The following CTNNA3 variants were observed in gnomAD, a reference collection of about 807,000 sequenced individuals.
CTNNA3 encodes the protein catenin alpha 3, also known as catenin alpha-3.
In CTNNA3, 76 loss-of-function variants were observed where a neutral mutation model predicts 95.7. The ratio of observed to expected loss-of-function variants is 0.79; its 90% confidence interval spans 0.66 to 0.96. The LOEUF is 0.96. CTNNA3 is among the 40% of genes least tolerant of loss of function. The pLI is 0.00. For missense variants in CTNNA3, 1,191 were observed against 1,089.8 expected (o/e 1.09, Z -1.31); for synonymous variants, 431 against 374.4 (o/e 1.15, Z -1.74).
chr10:67,692,936 A>G (rs1840897273), intron 1 of CTNNA3, among the ~76,000 whole-genome samples: 1 of 152,140 alleles, frequency 6.6e-6, no homozygotes, highest in Admixed American at 6.5e-5. Flanking sequence ...TTTGCACTAA[A>G]CATTGCCTTC....
At chr10:67,497,650 T>C (rs1410096573) in intron 5 of CTNNA3, among the ~76,000 whole-genome samples, 1 of 152,250 alleles carries the variant, frequency 6.6e-6, no homozygotes, top group Non-Finnish European at 1.5e-5. Context: ...TGGTATCTCA[T>C]TGTGGTTTTG....
intron 5 of CTNNA3, among the ~76,000 whole-genome samples, chr10:67,497,614 A>T (rs1287275093): frequency 2.0e-5 from 3 of 152,104 alleles, no homozygotes; most frequent in Non-Finnish European, 4.4e-5. Flanking sequence ...AACTTTTTAA[A>T]GATAGCCATT....
At chr10:67,073,266 T>C (rs1416413203) in intron 7 of CTNNA3, among the ~76,000 whole-genome samples, 1 of 152,202 alleles carries the variant, frequency 6.6e-6, no homozygotes, top group Non-Finnish European at 1.5e-5. Context: ...TAGCTCTGAT[T>C]AGTTTTTAAA....
intron 15 of CTNNA3, among the ~76,000 whole-genome samples, chr10:66,056,692 T>C (rs2080094691): frequency 6.6e-6 from 1 of 152,204 alleles, no homozygotes; most frequent in African/African-American, 2.4e-5. Context: ...CTTCTGTTAA[T>C]ATCTCAATAC....
At chr10:67,088,572 A>G (rs1039566067) in intron 7 of CTNNA3, among the ~76,000 whole-genome samples, 18 of 152,026 alleles carry the variant, frequency 1.2e-4, no homozygotes, top group Admixed American at 1.3e-4. Context: ...CAAGACACCC[A>G]TAAAGCTACC....
chr10:66,999,155 A>AT (rs1851537200), intron 7 of CTNNA3, among the ~76,000 whole-genome samples: 1 of 152,112 alleles, frequency 6.6e-6, no homozygotes, highest in Admixed American at 6.6e-5. Flanking sequence ...TTTATTTATC[A>AT]TTTTCAATTG....
At chr10:67,234,628 C>T (rs2132311429) in intron 5 of CTNNA3, among the ~76,000 whole-genome samples, 2 of 151,824 alleles carry the variant, frequency 1.3e-5, no homozygotes, top group South Asian at 4.2e-4. Context: ...TCTCTCACCA[C>T]TCCTATTCAA....
In CTNNA3 at chr10:66,909,806, G is replaced by A. The variant is rs536009450; in HGVS notation, c.1048-134282C>T. ...TGTGAATCAACTACAGGTATTCCCA[G>A]AGAACCATAATTATGATAATGATAT... On this transcript the variant is annotated intron_variant, in intron 7 of 17. Transcript: ENST00000433211. Among the ~76,000 whole-genome samples the A allele has an allele frequency of 1.7e-4, 26 of 152,218 alleles. 1 individual carries two copies. The South Asian group carries it at 5.4e-3, about 32-fold the overall frequency.
rs551539894 is a variant in CTNNA3, at chr10:66,296,570, T to C, written c.1733-15949A>G. Reference sequence around the variant, plus strand: ...GTGTGTGCATGCGTGTGTGTATATATATACACACACACACAGATCTATATA... The same window carrying C: ...GTGTGTGCATGCGTGTGTGTATATACATACACACACACACAGATCTATATA... On this transcript the variant is annotated intron_variant, in intron 12 of 17. Transcript: ENST00000433211. Among the ~76,000 whole-genome samples, 30 of 148,708 alleles carry C rather than the reference T, an allele frequency of 2.0e-4. No homozygotes were observed. In the South Asian group the frequency reaches 5.9e-3, roughly 29 times the overall value.
In CTNNA3 at chr10:66,346,211, GTATATA is replaced by G. The variant is rs368554085; in HGVS notation, c.1732+32935_1732+32940del. On this transcript the variant is annotated intron_variant, in intron 12 of 17. Transcript: ENST00000433211. The stretch of plus-strand genomic sequence containing the variant: ...AATTGAATAGTAAGTATGTGTGTGT[GTATATA>G]TATATATATATATATATATATATAT... Among the ~76,000 whole-genome samples the G allele has an allele frequency of 4.4e-4, 46 of 105,500 alleles. 1 individual carries two copies. The highest frequency in any genetic ancestry group is 7.6e-4 in the African/African-American group (21 of 27,580). 69.2% of individuals were successfully genotyped at this position (105,500 alleles called of 152,430 possible). A position where few individuals can be genotyped will look rare whatever the true frequency, so the allele number is the denominator to read the frequency against.
chr10:67,350,499 G>C (rs1842589184), intron 5 of CTNNA3, among the ~76,000 whole-genome samples: 1 of 150,492 alleles, frequency 6.6e-6, no homozygotes, highest in Non-Finnish European at 1.5e-5. Flanking sequence ...TGGAATACCA[G>C]CACTAAACTT....
intron 10 of CTNNA3, among the ~76,000 whole-genome samples, chr10:66,547,827 G>A (rs755575320): frequency 2.1e-4 from 32 of 152,026 alleles, no homozygotes; most frequent in Non-Finnish European, 4.3e-4. Flanking sequence ...ATAGATTTCG[G>A]TCTTCACACA....
intron 10 of CTNNA3, among the ~76,000 whole-genome samples, chr10:66,612,470 C>T (rs1246061674): frequency 6.6e-6 from 1 of 152,098 alleles, no homozygotes; most frequent in Non-Finnish European, 1.5e-5. Flanking sequence ...ACAGACTATG[C>T]CCTCCCACTG....
At chr10:66,605,209 A>G (rs955438280) in intron 10 of CTNNA3, among the ~76,000 whole-genome samples, 3 of 152,190 alleles carry the variant, frequency 2.0e-5, no homozygotes, top group Non-Finnish European at 4.4e-5. Context: ...AAAGAATCTC[A>G]GAGGCTGAAG....
chr10:66,015,224 T>G (rs565045436), intron 15 of CTNNA3, among the ~76,000 whole-genome samples: 1 of 152,154 alleles, frequency 6.6e-6, no homozygotes, highest in South Asian at 2.1e-4. Context: ...GAGCTAGAAT[T>G]CCTTGATTCT....
chr10:66,371,568 C>T (rs1422305950), intron 12 of CTNNA3, among the ~76,000 whole-genome samples: 1 of 152,126 alleles, frequency 6.6e-6, no homozygotes, highest in Non-Finnish European at 1.5e-5. Context: ...GCAAGTAGTT[C>T]CATTGTCCCA....
chr10:66,122,555 G>A (rs1238256892), intron 13 of CTNNA3, among the ~76,000 whole-genome samples: 1 of 152,082 alleles, frequency 6.6e-6, no homozygotes, highest in Non-Finnish European at 1.5e-5. Flanking sequence ...TTCAACTACA[G>A]AAAACCAAAG....
intron 1 of CTNNA3, among the ~76,000 whole-genome samples, chr10:67,689,824 C>T (rs891111189): frequency 1.3e-5 from 2 of 152,110 alleles, no homozygotes; most frequent in African/African-American, 2.4e-5. Flanking sequence ...GTCCAGCGGC[C>T]GCGCTAGTTG....
chr10:66,104,833 T>A (rs182537473), intron 13 of CTNNA3, among the ~76,000 whole-genome samples: 1 of 152,236 alleles, frequency 6.6e-6, no homozygotes, highest in Non-Finnish European at 1.5e-5. Context: ...TAAACGTTGC[T>A]TTACACACAG....
Sources: allele counts gnomAD v4.1 joint callset (sites outside exome capture counted in the v4.1 genomes callset), GRCh38; gene constraint gnomAD v4.1.1; transcripts MANE v1.5; gene names NCBI Gene and HGNC (gene_info 2026-07-23, HGNC 2026-07-21).